The following TMEM26 variants were observed in gnomAD, a reference collection of about 807,000 sequenced individuals.
TMEM26 encodes transmembrane protein 26.
A neutral mutation model predicts 28.8 loss-of-function variants in TMEM26; 38 were observed. The ratio of observed to expected loss-of-function variants is 1.32; its 90% CI spans 1.02 to 1.73. The LOEUF (loss-of-function observed/expected upper bound fraction) is 1.73. Ranked by LOEUF, TMEM26 falls within the 40% of genes most tolerant of loss-of-function variation. The probability of loss-of-function intolerance (pLI) is 0.00; values close to 1 mark genes in which losing one functional copy is unlikely to be tolerated. For synonymous variants in TMEM26, 227 were observed against 182.9 expected (o/e 1.24, Z -1.95); for missense variants, 518 against 447.1 (o/e 1.16, Z -1.43).
At chr10:61,447,071 G>A (rs1041616338) in intron 1 of TMEM26, among the ~76,000 whole-genome samples, 1 of 152,144 alleles carries the variant, frequency 6.6e-6, no homozygotes, top group Non-Finnish European at 1.5e-5. Context: ...AGGCAACTTG[G>A]ACACGAAGTG....
intron 4 of TMEM26, among the ~76,000 whole-genome samples, chr10:61,419,416 G>T (rs1467834347): frequency 1.3e-5 from 2 of 152,088 alleles, no homozygotes; most frequent in African/African-American, 4.8e-5. Context: ...AACTAAGTTT[G>T]ATTGGTTAAA....
rs547261785 is a variant in TMEM26 at position 61,406,989 on chromosome 10, T to C, written c.*3333A>G. 1.2e-4 allele frequency: 19 copies of C among 152,084 alleles called. No individual in the cohort carries two copies. Among genetic ancestry groups the C allele is most frequent in the African/African-American group, 4.3e-4 (18 of 41,444 alleles). 9.4% of individuals were successfully genotyped at this position (152,084 alleles called of 1,614,324 possible). On this transcript the variant is annotated 3_prime_UTR_variant, in exon 6 of 6. Coordinates refer to ENST00000399298, the MANE Select transcript of TMEM26 (RefSeq NM_178505.8). ...TTAGAAAAAAAAAAAATCCCCTTTT[T>C]TTCTTGTAATTCAAGACTGTTTGGT...
chr10:61,422,689 A>G (rs1289910265), intron 4 of TMEM26, among the ~76,000 whole-genome samples: 2 of 152,138 alleles, frequency 1.3e-5, no homozygotes, highest in East Asian at 3.8e-4. Context: ...TGTCTGTAAT[A>G]GAGGAGACGA....
In TMEM26 at chr10:61,448,950, A is replaced by G. The variant is rs117495209; in HGVS notation, c.191+3941T>C. Among the ~76,000 whole-genome samples the G allele has an allele frequency of 5.9e-3, 894 of 152,218 alleles. 3 individuals are homozygous for G. Among genetic ancestry groups the G allele is most frequent in the Non-Finnish European group, 9.7e-3 (658 of 67,998 alleles). On this transcript the variant is annotated intron_variant, in intron 1 of 5. Coordinates refer to ENST00000399298, the MANE Select transcript of TMEM26 (RefSeq NM_178505.8). The stretch of plus-strand genomic sequence containing the variant: ...GTCACAGTCTTAGTAATTTTTTTCT[A>G]TCCCTGAGGAATATTTTATTGGCTG...
chr10:61,431,359 T>A (rs527997047), intron 2 of TMEM26, 27 bp from the exon 3 acceptor site: 1 of 1,570,058 alleles, frequency 6.4e-7, no homozygotes, highest in East Asian at 2.2e-5. Context: ...GGAAGGCAAT[T>A]ATGGCAAAAA....
chr10:61,423,574 T>C (rs1421824274), intron 4 of TMEM26, among the ~76,000 whole-genome samples: 1 of 152,052 alleles, frequency 6.6e-6, no homozygotes, highest in African/African-American at 2.4e-5. Flanking sequence ...ATCCTATCTC[T>C]ACAAAAAATA....
chr10:61,432,190 T>C (rs2135314029), intron 2 of TMEM26, among the ~76,000 whole-genome samples: 1 of 152,198 alleles, frequency 6.6e-6, no homozygotes, highest in South Asian at 2.1e-4. Flanking sequence ...ATTGCTTAAG[T>C]AAATAATCCA....
In TMEM26 at chr10:61,453,263, A is replaced by C; in HGVS notation, c.-182T>G. On this transcript the variant is annotated 5_prime_UTR_variant, in exon 1 of 6. Coordinates refer to ENST00000399298, the MANE Select transcript of TMEM26 (RefSeq NM_178505.8). ...TGGTGCGCGGCTCGCCCCTCCCCCA[A>C]ACTTCCTGAGAACTCTTCAAAGAGG... 6.4e-6 allele frequency: 4 copies of C among 621,192 alleles called. No homozygotes were observed. The highest frequency in any genetic ancestry group is 8.3e-6 in the Non-Finnish European group (3 of 359,538). 38.5% of individuals were successfully genotyped at this position (621,192 alleles called of 1,614,324 possible). A position where few individuals can be genotyped will look rare whatever the true frequency, so the allele number is the denominator to read the frequency against.
Position 61,429,057 on chromosome 10 carries a change from A to T in TMEM26, c.474T>A (p.Ile158=), listed in dbSNP as rs1440535673. The T allele has an allele frequency of 3.1e-6, 5 of 1,613,286 alleles. No homozygotes were observed. Among genetic ancestry groups the T allele is most frequent in the Non-Finnish European group, 4.2e-6 (5 of 1,179,500 alleles). The change falls in exon 4 of 6, where the codon ATT becomes ATA. Residue 158 remains isoleucine (I), a synonymous_variant. Coordinates refer to ENST00000399298, the MANE Select transcript of TMEM26 (RefSeq NM_178505.8). ...CTCCAATGGGTAGAAGCCATCTTCC[A>T]ATTATTAGCATTAACAGGAATGTCT... ...LHQTFLLMLI[I]GRWLLPIGGG...
At chr10:61,415,993 A>C in intron 4 of TMEM26, 1 of 403,896 alleles carries the variant, frequency 2.5e-6, no homozygotes, top group Admixed American at 3.0e-5. Context: ...AAAGGATTTC[A>C]GTTGCACCTG....
intron 4 of TMEM26, among the ~76,000 whole-genome samples, chr10:61,423,212 T>C (rs562827648): frequency 5.3e-5 from 8 of 152,114 alleles, no homozygotes; most frequent in Non-Finnish European, 1.2e-4. Flanking sequence ...ATTTAAAAAA[T>C]CTTCCCACAA....
At chr10:61,444,653 TAAAAA>T (rs10711559) in intron 1 of TMEM26, among the ~76,000 whole-genome samples, 1 of 133,886 alleles carries the variant, frequency 7.5e-6, no homozygotes, top group Admixed American at 7.5e-5. Flanking sequence ...CCTCATAATT[TAAAAA>T]AAAAAAAAAA....
intron 4 of TMEM26, among the ~76,000 whole-genome samples, chr10:61,419,882 C>T (rs536319971): frequency 6.6e-6 from 1 of 152,212 alleles, no homozygotes; most frequent in Admixed American, 6.5e-5. Context: ...CACATCTCAG[C>T]TACTAAAAGC....
chr10:61,441,212 A>G (rs1470308483), intron 1 of TMEM26, among the ~76,000 whole-genome samples: 2 of 152,178 alleles, frequency 1.3e-5, no homozygotes, highest in Admixed American at 1.3e-4. Context: ...GCTCGCCACA[A>G]ACATTTAGTG....
intron 4 of TMEM26, among the ~76,000 whole-genome samples, chr10:61,421,459 A>G (rs1426344312): frequency 6.6e-6 from 1 of 152,170 alleles, no homozygotes; most frequent in Non-Finnish European, 1.5e-5. Flanking sequence ...TCAGATTGTG[A>G]CCTTATTTAG....
intron 1 of TMEM26, among the ~76,000 whole-genome samples, chr10:61,449,885 T>TA (rs937822976): frequency 1.3e-5 from 2 of 152,170 alleles, no homozygotes; most frequent in Non-Finnish European, 2.9e-5. Flanking sequence ...TTTACATTTT[T>TA]AAAAAATGTA....
At chr10:61,418,948 A>G (rs1839698532) in intron 4 of TMEM26, among the ~76,000 whole-genome samples, 1 of 152,170 alleles carries the variant, frequency 6.6e-6, no homozygotes, top group African/African-American at 2.4e-5. Flanking sequence ...TGCACAGATC[A>G]TCAAAGAGCA....
chr10:61,418,616 C>T (rs1839692614), intron 4 of TMEM26, among the ~76,000 whole-genome samples: 1 of 152,094 alleles, frequency 6.6e-6, no homozygotes, highest in Non-Finnish European at 1.5e-5. Flanking sequence ...TTACCAGTGA[C>T]AGCTTTGGAG....
rs938083401 is a variant in TMEM26, at chr10:61,410,450, C to A, written c.979G>T (p.Gly327Cys). Reference protein sequence around the residue: ...SQSEGLKGEHGCRAQTSESGP... With the variant: ...SQSEGLKGEHCCRAQTSESGP... ...CTCTCAGAGGTCTGTGCCCGGCAACCATGTTCTCCTTTCAGGCCTTCTGAC... is the reference window on the plus strand; with the variant it reads ...CTCTCAGAGGTCTGTGCCCGGCAACAATGTTCTCCTTTCAGGCCTTCTGAC... The change falls in exon 6 of 6, where the codon GGT becomes TGT. Residue 327 changes from glycine to cysteine, a missense_variant. Gly to Cys is a radical substitution (Grantham distance 159, BLOSUM62 -3). Coordinates refer to ENST00000399298, the MANE Select transcript of TMEM26 (RefSeq NM_178505.8). 3 of 1,614,034 alleles carry A rather than the reference C, an allele frequency of 1.9e-6. No individual in the cohort carries two copies. The highest frequency in any genetic ancestry group is 1.1e-5 in the South Asian group (1 of 91,072).
Sources: allele counts gnomAD v4.1 joint callset (sites outside exome capture counted in the v4.1 genomes callset), GRCh38; gene constraint gnomAD v4.1.1; transcripts MANE v1.5; gene names NCBI Gene and HGNC (gene_info 2026-07-23, HGNC 2026-07-21).